The following SLC30A4 variants were observed in gnomAD, a reference collection of about 807,000 sequenced individuals.
SLC30A4 encodes the protein solute carrier family 30 member 4, also known as probable proton-coupled zinc antiporter SLC30A4.
SLC30A4 carries 20 observed loss-of-function variants against 41.7 expected under a neutral mutation model. The ratio of observed to expected loss-of-function variants is 0.48; its 90% CI spans 0.34 to 0.70. The LOEUF (loss-of-function observed/expected upper bound fraction) is 0.70. SLC30A4 is among the 30% of genes least tolerant of loss of function. The pLI, the probability that SLC30A4 is intolerant of heterozygous loss-of-function variation, is 0.01. For synonymous variants in SLC30A4, 181 were observed against 195.9 expected (o/e 0.92, Z 0.64); for missense variants, 441 against 529.3 (o/e 0.83, Z 1.64).
chr15:45,497,816 TC>T (rs1300755167), intron 3 of SLC30A4, among the ~76,000 whole-genome samples: 1 of 152,226 alleles, frequency 6.6e-6, no homozygotes, highest in East Asian at 1.9e-4. Context: ...TTCTTTCTCT[TC>T]CTAGGATTTA....
chr15:45,494,999 C>G (rs1386141332), intron 3 of SLC30A4, among the ~76,000 whole-genome samples: 1 of 151,872 alleles, frequency 6.6e-6, no homozygotes, highest in African/African-American at 2.4e-5. Context: ...TCTCTCCCCC[C>G]AAAATTGGCC....
At chr15:45,487,466 T>G in intron 6 of SLC30A4, 61 bp downstream of exon 6, 4 of 828,290 alleles carry the variant, frequency 4.8e-6, no homozygotes, top group South Asian at 4.4e-5. Context: ...GAATGTCCCC[T>G]GACTCCCAAT....
At chr15:45,509,925 A>C (rs1038547132) in intron 3 of SLC30A4, among the ~76,000 whole-genome samples, 1 of 152,158 alleles carries the variant, frequency 6.6e-6, no homozygotes, top group Admixed American at 6.5e-5. Flanking sequence ...CACAAAAATT[A>C]GCTGAGCATG....
At chr15:45,503,547 G>A (rs560238200) in intron 3 of SLC30A4, among the ~76,000 whole-genome samples, 1 of 151,816 alleles carries the variant, frequency 6.6e-6, no homozygotes, top group Non-Finnish European at 1.5e-5. Flanking sequence ...ATCTGGGAGG[G>A]GCAGGTTGCA....
At chr15:45,511,747 T>C (rs1244882996) in intron 2 of SLC30A4, among the ~76,000 whole-genome samples, 6 of 152,232 alleles carry the variant, frequency 3.9e-5, no homozygotes, top group Non-Finnish European at 8.8e-5. Flanking sequence ...GCCTTGCAAG[T>C]GTTGGGATTA....
rs989417272 is a variant in SLC30A4, at chr15:45,498,920, T to TA, written c.539-8040dup. 2.6e-5 allele frequency among the ~76,000 whole-genome samples: 4 copies of TA among 152,070 alleles called. 1 individual carries two copies. Among genetic ancestry groups the TA allele is most frequent in the South Asian group, 4.1e-4 (2 of 4,822 alleles). ...TTTCTATCCATAGAGCAAGAGGGGA[T>TA]AAAAAAATCCCAACTACATGGAATT... is the stretch of plus-strand genomic sequence containing the variant. On this transcript the variant is annotated intron_variant, in intron 3 of 7. Transcript: ENST00000261867.
Position 45,482,992 on chromosome 15 carries a change from C to T in SLC30A4, c.*2171G>A, listed in dbSNP as rs1891627383. The T allele has an allele frequency of 6.6e-6, 1 of 152,038 alleles. No homozygotes were observed. Among genetic ancestry groups the T allele is most frequent in the Admixed American group, 6.6e-5 (1 of 15,242 alleles). 9.4% of individuals were successfully genotyped at this position (152,038 alleles called of 1,614,324 possible). Reference sequence around the variant, plus strand: ...TAGAGACAGGGTCTCTACAAAAGACCAGGCTGGTCATGAACTCTTGGCCTC... The same window carrying T: ...TAGAGACAGGGTCTCTACAAAAGACTAGGCTGGTCATGAACTCTTGGCCTC... On this transcript the variant is annotated 3_prime_UTR_variant, in exon 8 of 8. Coordinates refer to ENST00000261867, the MANE Select transcript of SLC30A4 (RefSeq NM_013309.6).
chr15:45,508,515 T>C (rs1473606672), intron 3 of SLC30A4, among the ~76,000 whole-genome samples: 1 of 152,214 alleles, frequency 6.6e-6, no homozygotes, highest in East Asian at 1.9e-4. Flanking sequence ...CAGTTCCTAG[T>C]TCAGAGTATG....
chr15:45,519,676 T>G (rs1892604480), intron 2 of SLC30A4: 2 of 152,230 alleles, frequency 1.3e-5, no homozygotes, highest in Admixed American at 1.3e-4. Context: ...AAATACTTAT[T>G]GTGGCTTTCA....
rs1305880459 is a variant in SLC30A4 at position 45,483,528 on chromosome 15, A to G, written c.*1635T>C. On this transcript the variant is annotated 3_prime_UTR_variant, in exon 8 of 8. Coordinates refer to ENST00000261867, the MANE Select transcript of SLC30A4 (RefSeq NM_013309.6). ...GCCTTCAGTTTGGAAACCTCTGTTT[A>G]GTTTCCCTGCAACACAGATTTAATG... The G allele has an allele frequency of 6.6e-6, 1 of 152,214 alleles. No individual in the cohort carries two copies. Among genetic ancestry groups the G allele is most frequent in the African/African-American group, 2.4e-5 (1 of 41,446 alleles). 9.4% of individuals were successfully genotyped at this position (152,214 alleles called of 1,614,324 possible). A position where few individuals can be genotyped will look rare whatever the true frequency, so the allele number is the denominator to read the frequency against.
intron 2 of SLC30A4, among the ~76,000 whole-genome samples, chr15:45,517,345 C>CTTTTTTTTTTT (rs1166130286): frequency 1.5e-5 from 1 of 65,574 alleles, no homozygotes; most frequent in African/African-American, 6.2e-5. Flanking sequence ...CCAATCCATT[C>CTTTTTTTTTTT]TTTTTTTTTT....
chr15:45,507,358 A>G (rs1892183378), intron 3 of SLC30A4, among the ~76,000 whole-genome samples: 1 of 149,476 alleles, frequency 6.7e-6, no homozygotes, highest in Non-Finnish European at 1.5e-5. Context: ...ATAAATAAAT[A>G]ATAAATTTCA....
At chr15:45,515,059 T>A (rs1018221211) in intron 2 of SLC30A4, among the ~76,000 whole-genome samples, 22 of 150,794 alleles carry the variant, frequency 1.5e-4, no homozygotes, top group Non-Finnish European at 2.4e-4. Context: ...TTTTTTTTTT[T>A]AATTTTTATT....
At chr15:45,495,218 T>C (rs1287152648) in intron 3 of SLC30A4, among the ~76,000 whole-genome samples, 1 of 152,060 alleles carries the variant, frequency 6.6e-6, no homozygotes, top group African/African-American at 2.4e-5. Flanking sequence ...GTTAATGACA[T>C]AGAGATGTGC....
chr15:45,512,130 G>A (rs1404232427), intron 2 of SLC30A4, among the ~76,000 whole-genome samples: 10 of 152,058 alleles, frequency 6.6e-5, no homozygotes, highest in Non-Finnish European at 5.9e-5. Context: ...TTTTGTTATC[G>A]ATTTTCCAGG....
At chr15:45,508,806 T>C (rs919795140) in intron 3 of SLC30A4, among the ~76,000 whole-genome samples, 25 of 152,194 alleles carry the variant, frequency 1.6e-4, no homozygotes, top group African/African-American at 5.8e-4. Context: ...GTCAGTTCTA[T>C]TGTCTCTTAT....
intron 3 of SLC30A4, among the ~76,000 whole-genome samples, chr15:45,491,875 T>G (rs1891816368): frequency 6.6e-6 from 1 of 150,992 alleles, no homozygotes; most frequent in South Asian, 2.1e-4. Flanking sequence ...AAAAAATCAA[T>G]AAGAAAATTC....
chr15:45,486,098 C>T (rs1025323958), intron 7 of SLC30A4, among the ~76,000 whole-genome samples: 1 of 151,906 alleles, frequency 6.6e-6, no homozygotes, highest in African/African-American at 2.4e-5. Context: ...TCTCGGCTCA[C>T]TGCAACCTCC....
chr15:45,514,119 G>T (rs2140854893), intron 2 of SLC30A4, among the ~76,000 whole-genome samples: 1 of 152,198 alleles, frequency 6.6e-6, no homozygotes, highest in South Asian at 2.1e-4. Context: ...GCTGAGGCGG[G>T]CAGATCACCT....
Sources: gnomAD v4.1 joint callset for allele counts (sites outside exome capture counted in the v4.1 genomes callset) on GRCh38, gnomAD v4.1.1 for gene constraint, MANE v1.5 for transcripts, NCBI Gene and HGNC (gene_info 2026-07-23, HGNC 2026-07-21) for gene names.